The following ARX variants were observed in gnomAD, a reference collection of about 807,000 sequenced individuals.
ARX encodes aristaless related homeobox, also known as homeobox protein ARX.
In ARX, 1 loss-of-function variant was observed where a neutral mutation model predicts 23.1. The observed-to-expected ratio is 0.04, with a 90% confidence interval of 0.02 to 0.21. ARX has a LOEUF of 0.21. Ranked by LOEUF, ARX falls within the 10% of genes least tolerant of loss-of-function variation. The probability of loss-of-function intolerance (pLI) is 1.00; values close to 1 mark genes in which losing one functional copy is unlikely to be tolerated. For synonymous variants in ARX, 301 were observed against 270.1 expected, an observed-to-expected ratio of 1.11 and a Z score of -1.12; for missense variants, 380 against 527.5, an observed-to-expected ratio of 0.72 and a Z score of 2.74.
At chrX:25,007,507 C>G in intron 3 of ARX, 68 bp from the exon 4 acceptor site, 1 of 1,103,976 alleles carries the variant, frequency 9.1e-7, no homozygotes, top group Non-Finnish European at 1.2e-6. Context: ...CCCTACCCGT[C>G]CCTTCCCTTG....
rs2048708046 is a variant in ARX at position 25,012,903 on chromosome X, G to A, written c.1073+19C>T. On this transcript the variant is annotated intron_variant, in intron 2 of 4. Coordinates refer to ENST00000379044, the MANE Select transcript of ARX (RefSeq NM_139058.3). ...GTGCGCTCTCTGCCGCTGCGACCGCGACCACCCTACGCGCATACCTGGTGA... is the reference window on the plus strand; with the variant it reads ...GTGCGCTCTCTGCCGCTGCGACCGCAACCACCCTACGCGCATACCTGGTGA... The A allele has an allele frequency of 3.3e-6, 4 of 1,199,666 alleles. No individual in the cohort carries two copies. The highest frequency in any genetic ancestry group is 3.5e-5 in the African/African-American group (2 of 57,207).
At chrX:25,009,721 G>A (rs2048693819) in intron 3 of ARX, among the ~76,000 whole-genome samples, 1 of 111,774 alleles carries the variant, frequency 8.9e-6, no homozygotes, top group East Asian at 2.8e-4. Flanking sequence ...TATAAAAAAT[G>A]GGAAATCAAA....
Position 25,004,709 on chromosome X carries a change from G to A in ARX, c.1650C>T (p.Asn550=). Residue 550 remains asparagine (N), a synonymous_variant, in exon 5 of 5, where the codon AAC becomes AAT. Coordinates refer to ENST00000379044, the MANE Select transcript of ARX (RefSeq NM_139058.3). ...TGCCCGTGCTGGTGCCCGGCAGGATGTTGAGCTGCGTGAGCTGCGCCGCGT... is the reference window on the plus strand; with the variant it reads ...TGCCCGTGCTGGTGCCCGGCAGGATATTGAGCTGCGTGAGCTGCGCCGCGT... ...KEHAAQLTQL[N]ILPGTSTGKE... The A allele has an allele frequency of 2.6e-6, 3 of 1,165,264 alleles. 1 individual carries two copies. Among genetic ancestry groups the A allele is most frequent in the Non-Finnish European group, 3.4e-6 (3 of 872,596 alleles).
chrX:25,015,324 C>T (rs1005812683), intron 1 of ARX, among the ~76,000 whole-genome samples: 1 of 109,200 alleles, frequency 9.2e-6, no homozygotes, highest in African/African-American at 3.3e-5. Flanking sequence ...TAAAGGCTCC[C>T]TAAGCGAAAA....
chrX:25,009,542 C>G (rs1304169305), intron 3 of ARX, among the ~76,000 whole-genome samples: 1 of 111,742 alleles, frequency 8.9e-6, no homozygotes, highest in Non-Finnish European at 1.9e-5. Flanking sequence ...GTGATTCACT[C>G]AGCTCCTAAC....
intron 3 of ARX, 71 bp from the exon 4 acceptor site, chrX:25,007,510 T>C: frequency 1.7e-5 from 19 of 1,090,903 alleles, no homozygotes; most frequent in Non-Finnish European, 2.3e-5. Flanking sequence ...TACCCGTCCC[T>C]TCCCTTGGCG....
intron 4 of ARX, 21 bp from the exon 5 acceptor site, chrX:25,004,931 G>C (rs1387281585): frequency 9.0e-7 from 1 of 1,111,551 alleles, no homozygotes; most frequent in Non-Finnish European, 1.2e-6. Flanking sequence ...AGCAAACAGC[G>C]CGGTCATGGC....
Position 25,013,202 on chromosome X carries a change from G to C in ARX, c.793C>G (p.Arg265Gly), listed in dbSNP as rs777296673. Residue 265 changes from arginine (R) to glycine (G), a missense_variant, in exon 2 of 5, where the codon CGC becomes GGC. Physicochemically the swap from Arg to Gly is moderately radical, Grantham distance 125. Coordinates refer to ENST00000379044, the MANE Select transcript of ARX (RefSeq NM_139058.3). The part of the protein sequence containing the change: ...DARALLKEPR[R>G]CPVAATGAVA... ...GCGCCAGTGGCGGCCACAGGACAGCGCCGGGGCTCCTTGAGCAGCGCGCGG... is the reference window on the plus strand; with the variant it reads ...GCGCCAGTGGCGGCCACAGGACAGCCCCGGGGCTCCTTGAGCAGCGCGCGG... 8.5e-7 allele frequency: 1 copy of C among 1,173,870 alleles called. No homozygotes were observed. Among genetic ancestry groups the C allele is most frequent in the Non-Finnish European group, 1.1e-6 (1 of 877,520 alleles).
In ARX at chrX:25,007,353, C is replaced by T. The variant is rs1306300057; in HGVS notation, c.1206G>A (p.Gly402=). 3.5e-6 allele frequency: 4 copies of T among 1,146,928 alleles called. No homozygotes were observed. Among genetic ancestry groups the T allele is most frequent in the Non-Finnish European group, 4.6e-6 (4 of 868,549 alleles). The allele number at this position is 1,146,928 out of a possible 1,213,427, so 94.5% of individuals were successfully genotyped here. A position where few individuals can be genotyped will look rare whatever the true frequency, so the allele number is the denominator to read the frequency against. The change falls in exon 4 of 5, where the codon GGG becomes GGA. Residue 402 remains glycine (G), a synonymous_variant. Coordinates refer to ENST00000379044, the MANE Select transcript of ARX (RefSeq NM_139058.3). ...TGAGCGGGTGGGTGGCGGAGAGCGGCCCCGGGAAGGGCAGCCCAGGGGGGT... is the reference window on the plus strand; with the variant it reads ...TGAGCGGGTGGGTGGCGGAGAGCGGTCCCGGGAAGGGCAGCCCAGGGGGGT... The part of the protein sequence containing the change: ...QTHPPGLPFP[G]PLSATHPLSP...
At chrX:25,009,638 C>T (rs1244434661) in intron 3 of ARX, among the ~76,000 whole-genome samples, 1 of 111,765 alleles carries the variant, frequency 8.9e-6, no homozygotes, top group African/African-American at 3.3e-5. Flanking sequence ...CGGAAATGCA[C>T]TCTGGTATGG....
intron 1 of ARX, among the ~76,000 whole-genome samples, 174 bp from the exon 2 acceptor site, chrX:25,013,972 TTTTC>T (rs753240777): frequency 9.0e-6 from 1 of 111,662 alleles, no homozygotes; most frequent in African/African-American, 3.2e-5. Flanking sequence ...TGCTTTTTCT[TTTTC>T]TTTCTTTCTC....
At chrX:25,009,435 G>T (rs1007197224) in intron 3 of ARX, among the ~76,000 whole-genome samples, 1 of 111,881 alleles carries the variant, frequency 8.9e-6, no homozygotes, top group East Asian at 2.8e-4. Flanking sequence ...GAGGGGACAG[G>T]CCTCATCATT....
intron 4 of ARX, among the ~76,000 whole-genome samples, chrX:25,005,118 G>A (rs2048672197): frequency 8.9e-6 from 1 of 112,109 alleles, no homozygotes; most frequent in Non-Finnish European, 1.9e-5. Flanking sequence ...CCGACTGGGG[G>A]GAAAAGACCG....
chrX:25,007,483 C>G (rs1248487728), intron 3 of ARX, 44 bp from the exon 4 acceptor site: 2 of 1,133,708 alleles, frequency 1.8e-6, no homozygotes, highest in Non-Finnish European at 2.3e-6. Flanking sequence ...CTCGGCCCGG[C>G]GGGCGCACCG....
At chrX:25,014,937 A>C (rs1284411178) in intron 1 of ARX, among the ~76,000 whole-genome samples, 3 of 112,580 alleles carry the variant, frequency 2.7e-5, no homozygotes, top group African/African-American at 9.7e-5. Context: ...GTCTATTTTA[A>C]AAAATAAAAT....
At chrX:25,013,832 C>A in intron 1 of ARX, 34 bp from the exon 2 acceptor site, 1 of 908,369 alleles carries the variant, frequency 1.1e-6, no homozygotes, top group Non-Finnish European at 1.4e-6. Flanking sequence ...GCCAGCCGGC[C>A]GGCCGGGGAG....
At chrX:25,005,891 TCCCGACCG>T (rs1340232019) in intron 4 of ARX, 4 of 112,348 alleles carry the variant, frequency 3.6e-5, no homozygotes, top group African/African-American at 1.3e-4. Context: ...CCGCGAGCTT[TCCCGACCG>T]CCTCCCTGAG....
At chrX:25,005,845 C>T (rs1045748626) in intron 4 of ARX, 1 of 112,605 alleles carries the variant, frequency 8.9e-6, no homozygotes, top group Non-Finnish European at 1.9e-5. Context: ...CCCGGGGCCA[C>T]CGGACACCAC....
rs753696475 is a variant in ARX at position 25,007,176 on chromosome X, G to A, written c.1383C>T (p.Gly461=). 4 of 1,189,174 alleles carry A rather than the reference G, an allele frequency of 3.4e-6. No individual in the cohort carries two copies. The highest frequency in any genetic ancestry group is 4.5e-6 in the Non-Finnish European group (4 of 885,909). Residue 461 remains glycine (G), a synonymous_variant, in exon 4 of 5, where the codon GGC becomes GGT. Transcript: ENST00000379044. ...ASLPPSGAPL[G]LSTFLGAAVF... is the part of the protein sequence containing the mutation. ...CTGCCGCTCCGAGGAAAGTGCTCAG[G>A]CCCAGCGGCGCCCCGCTGGGCGGCA... is the stretch of plus-strand genomic sequence containing the variant.
Sources: gnomAD v4.1 joint callset for allele counts (sites outside exome capture counted in the v4.1 genomes callset) on GRCh38, gnomAD v4.1.1 for gene constraint, MANE v1.5 for transcripts, NCBI Gene and HGNC (gene_info 2026-07-23, HGNC 2026-07-21) for gene names.